The following FLRT1 variants were observed in gnomAD, a reference collection of about 807,000 sequenced individuals.
FLRT1 encodes fibronectin leucine rich transmembrane protein 1.
FLRT1 carries 14 observed loss-of-function variants against 30.9 expected under a neutral mutation model. That is an observed-to-expected ratio of 0.45 (90% confidence interval 0.30 to 0.71). The LOEUF is 0.71. Among genes scored for constraint, FLRT1 ranks in the 30% least tolerant of loss-of-function variants. The pLI is 0.08. For missense variants in FLRT1, 737 were observed against 949.2 expected (o/e 0.78, Z 2.94); for synonymous variants, 368 against 430.4 (o/e 0.85, Z 1.80).
At position 64,116,259 on chromosome 11, in the gene FLRT1, C is replaced by A; in HGVS notation, c.-9C>A. ...GCCAGGTGGGGCCGGACGCCCCCAG[C>A]CATCCACCATGGTGGTGGCACACCC... On this transcript the variant is annotated 5_prime_UTR_variant, in exon 3 of 3. Coordinates refer to ENST00000682287, the MANE Select transcript of FLRT1 (RefSeq NM_013280.5). The A allele has an allele frequency of 6.3e-7, 1 of 1,591,534 alleles. No individual in the cohort carries two copies. Among genetic ancestry groups the A allele is most frequent in the Non-Finnish European group, 8.5e-7 (1 of 1,172,538 alleles).
chr11:64,113,705 G>A (rs567014947), intron 2 of FLRT1, among the ~76,000 whole-genome samples: 4 of 149,176 alleles, frequency 2.7e-5, no homozygotes, highest in Non-Finnish European at 3.0e-5. Context: ...ATGGATGGAC[G>A]GACAGGTGGA....
intron 1 of FLRT1, among the ~76,000 whole-genome samples, chr11:64,058,424 A>G (rs967266303): frequency 4.6e-5 from 7 of 152,202 alleles, no homozygotes; most frequent in African/African-American, 1.7e-4. Flanking sequence ...CCTCCCCTGT[A>G]TGCCAGGCCT....
At chr11:64,047,600 AAT>A (rs1372837094) in intron 1 of FLRT1, among the ~76,000 whole-genome samples, 7 of 152,058 alleles carry the variant, frequency 4.6e-5, no homozygotes, top group Non-Finnish European at 7.4e-5. Context: ...AACTGAGGTT[AAT>A]AGAGGGAAGG....
At chr11:64,065,131 G>C (rs1231315445) in intron 1 of FLRT1, among the ~76,000 whole-genome samples, 1 of 152,228 alleles carries the variant, frequency 6.6e-6, no homozygotes, top group Non-Finnish European at 1.5e-5. Flanking sequence ...CGGGCTACAC[G>C]TGGGCCTGGA....
At chr11:64,061,772 TCA>T (rs1943908241) in intron 1 of FLRT1, among the ~76,000 whole-genome samples, 1 of 150,650 alleles carries the variant, frequency 6.6e-6, no homozygotes, top group Admixed American at 6.6e-5. Context: ...CGATCACAGC[TCA>T]CTGCAGCCTC....
intron 1 of FLRT1, among the ~76,000 whole-genome samples, chr11:64,095,668 G>A (rs895759955): frequency 3.3e-5 from 5 of 152,208 alleles, no homozygotes; most frequent in Admixed American, 1.3e-4. Flanking sequence ...TGTGTGGACT[G>A]GAATCCCCAG....
chr11:64,071,131 T>C (rs1944101126), intron 1 of FLRT1, among the ~76,000 whole-genome samples: 1 of 152,174 alleles, frequency 6.6e-6, no homozygotes, highest in Non-Finnish European at 1.5e-5. Context: ...GTCAAAATTC[T>C]ACTCATCCTT....
Position 64,068,332 on chromosome 11 carries a change from AC to A in FLRT1, c.-1038+32174del, listed in dbSNP as rs1298435609. 1.8e-4 allele frequency among the ~76,000 whole-genome samples: 27 copies of A among 152,292 alleles called. No individual in the cohort carries two copies. In the East Asian group the frequency reaches 4.4e-3, roughly 25 times the overall value. On this transcript the variant is annotated intron_variant, in intron 1 of 2. Coordinates refer to ENST00000682287, the MANE Select transcript of FLRT1 (RefSeq NM_013280.5). Reference sequence around the variant, plus strand: ...CTGTCCCACTCTTCCGCCTTTGGGGACAGTGATGCCTACCAGGCCCTGGCAG... The same window carrying A: ...CTGTCCCACTCTTCCGCCTTTGGGGAAGTGATGCCTACCAGGCCCTGGCAG...
At chr11:64,071,858 C>T (rs980346922) in intron 1 of FLRT1, among the ~76,000 whole-genome samples, 7 of 152,134 alleles carry the variant, frequency 4.6e-5, no homozygotes, top group East Asian at 1.9e-4. Context: ...GGCTGTGGGC[C>T]GTGGGCAGTA....
intron 1 of FLRT1, among the ~76,000 whole-genome samples, chr11:64,066,971 A>T (rs940384640): frequency 6.6e-6 from 1 of 152,174 alleles, no homozygotes; most frequent in Non-Finnish European, 1.5e-5. Context: ...GGTCACACAG[A>T]GCCCAGCTGG....
At chr11:64,048,917 G>A (rs1943637570) in intron 1 of FLRT1, among the ~76,000 whole-genome samples, 2 of 152,164 alleles carry the variant, frequency 1.3e-5, no homozygotes, top group South Asian at 2.1e-4. Context: ...CAGCCAGCTC[G>A]CCAGACCCTC....
chr11:64,111,439 A>G (rs1240516512), intron 2 of FLRT1, among the ~76,000 whole-genome samples: 1 of 152,164 alleles, frequency 6.6e-6, no homozygotes, highest in Non-Finnish European at 1.5e-5. Flanking sequence ...GCCCTGTGCT[A>G]CCTACCTGCT....
intron 2 of FLRT1, among the ~76,000 whole-genome samples, chr11:64,111,592 G>A (rs1944863719): frequency 6.6e-6 from 1 of 152,214 alleles, no homozygotes; most frequent in African/African-American, 2.4e-5. Context: ...CAGGCTGCTG[G>A]GCTGTGAAAT....
intron 1 of FLRT1, among the ~76,000 whole-genome samples, chr11:64,051,739 T>C (rs1287019252): frequency 6.6e-6 from 1 of 152,134 alleles, no homozygotes; most frequent in Non-Finnish European, 1.5e-5. Context: ...TTTGGCCAGA[T>C]AGCCCTGCGG....
At chr11:64,086,898 T>C (rs997495661) in intron 1 of FLRT1, 2 of 152,160 alleles carry the variant, frequency 1.3e-5, no homozygotes, top group African/African-American at 4.8e-5. Flanking sequence ...CCGCTAGCCC[T>C]TCCCTGTCCT....
At chr11:64,070,636 C>A (rs773658198) in intron 1 of FLRT1, among the ~76,000 whole-genome samples, 10 of 152,328 alleles carry the variant, frequency 6.6e-5, no homozygotes, top group Non-Finnish European at 1.2e-4. Context: ...CCATAACTAA[C>A]ACTCGGGCTG....
intron 1 of FLRT1, among the ~76,000 whole-genome samples, chr11:64,039,648 G>A (rs1943448384): frequency 6.6e-6 from 1 of 152,232 alleles, no homozygotes; most frequent in Non-Finnish European, 1.5e-5. Context: ...TCTGGCAGCA[G>A]CTGGAGACAC....
intron 1 of FLRT1, among the ~76,000 whole-genome samples, chr11:64,055,465 AG>A (rs927835115): frequency 2.6e-5 from 4 of 152,262 alleles, no homozygotes; most frequent in Admixed American, 2.6e-4. Context: ...CCTGGGGCCC[AG>A]GGTCTGCTTG....
At chr11:64,046,925 G>T (rs1943595096) in intron 1 of FLRT1, among the ~76,000 whole-genome samples, 1 of 152,166 alleles carries the variant, frequency 6.6e-6, no homozygotes, top group South Asian at 2.1e-4. Context: ...GTCAAGTCAC[G>T]CACTAGCTCT....
Sources: gnomAD v4.1 joint callset for allele counts (sites outside exome capture counted in the v4.1 genomes callset) on GRCh38, gnomAD v4.1.1 for gene constraint, MANE v1.5 for transcripts, NCBI Gene and HGNC (gene_info 2026-07-23, HGNC 2026-07-21) for gene names.